The following PHF24 variants were observed in gnomAD, a reference collection of about 807,000 sequenced individuals.
The protein encoded by PHF24 is PHD finger protein 24.
Under a neutral mutation model 42.6 loss-of-function variants are expected in PHF24, and 25 were observed. The ratio of observed to expected loss-of-function variants is 0.59; its 90% CI spans 0.43 to 0.82. The LOEUF is 0.82. Among genes scored for constraint, PHF24 ranks in the 40% least tolerant of loss-of-function variants. The probability of loss-of-function intolerance (pLI) is 0.00; values close to 1 mark genes in which losing one functional copy is unlikely to be tolerated. For synonymous variants in PHF24, 185 were observed against 204.8 expected, an observed-to-expected ratio of 0.90 and a Z score of 0.83; for missense variants, 470 against 538.1, an observed-to-expected ratio of 0.87 and a Z score of 1.25.
the PHF24 span, chr9:34,680,923 A>T: frequency 6.6e-6 from 1 of 152,154 alleles, no homozygotes; most frequent in African/African-American, 2.4e-5. Context: ...TGGTGGTATT[A>T]CTACTACTCA....
chr9:34,928,654 C>T, the PHF24 span, among the ~76,000 whole-genome samples: 8 of 152,300 alleles, frequency 5.3e-5, no homozygotes, highest in African/African-American at 1.9e-4. Context: ...TCCCCTCTCC[C>T]TTCTCCTATG....
chr9:34,778,154 T>A, the PHF24 span, among the ~76,000 whole-genome samples: 1 of 152,210 alleles, frequency 6.6e-6, no homozygotes, highest in South Asian at 2.1e-4. Context: ...TTTTGGTTCT[T>A]CTTAGTGGAT....
At chr9:34,861,264 G>A in the PHF24 span, among the ~76,000 whole-genome samples, 1 of 152,108 alleles carries the variant, frequency 6.6e-6, no homozygotes, top group Non-Finnish European at 1.5e-5. Context: ...AAGTCCAAGT[G>A]GTCAAAATGG....
the PHF24 span, among the ~76,000 whole-genome samples, chr9:34,681,650 A>G: frequency 6.6e-6 from 1 of 152,312 alleles, no homozygotes; most frequent in Non-Finnish European, 1.5e-5. Context: ...GTCTCTACTA[A>G]AAATAGAAAA....
chr9:34,834,007 C>T, the PHF24 span: 46 of 1,549,084 alleles, frequency 3.0e-5, no homozygotes, highest in Middle Eastern at 1.7e-4. Context: ...CTTCCACAGA[C>T]AAGACTCGGA....
At chr9:34,931,751 G>C in the PHF24 span, among the ~76,000 whole-genome samples, 1 of 152,112 alleles carries the variant, frequency 6.6e-6, no homozygotes, top group Non-Finnish European at 1.5e-5. Context: ...GCAGAACTGT[G>C]AGCCAATTAA....
At chr9:34,916,745 T>G in the PHF24 span, among the ~76,000 whole-genome samples, 1 of 152,238 alleles carries the variant, frequency 6.6e-6, no homozygotes, top group Non-Finnish European at 1.5e-5. Flanking sequence ...GTGTGTGGTT[T>G]GTTTGTGTGG....
chr9:34,950,095 A>G, the PHF24 span, among the ~76,000 whole-genome samples: 1 of 152,004 alleles, frequency 6.6e-6, no homozygotes, highest in African/African-American at 2.4e-5. Flanking sequence ...ATATAATTAT[A>G]TTAAAAAAAG....
At chr9:34,823,653 G>A in the PHF24 span, among the ~76,000 whole-genome samples, 3 of 152,216 alleles carry the variant, frequency 2.0e-5, no homozygotes, top group Non-Finnish European at 4.4e-5. Context: ...AGGAAAGGGG[G>A]GAAGCTTTGC....
At chr9:34,787,519 G>T in the PHF24 span, among the ~76,000 whole-genome samples, 1 of 152,152 alleles carries the variant, frequency 6.6e-6, no homozygotes, top group African/African-American at 2.4e-5. Context: ...GGGTTATCTT[G>T]AAAGGACTAA....
At chr9:34,800,485 A>G in the PHF24 span, among the ~76,000 whole-genome samples, 1 of 152,308 alleles carries the variant, frequency 6.6e-6, no homozygotes, top group Non-Finnish European at 1.5e-5. Flanking sequence ...GACCAATGGA[A>G]CAGAACAGAG....
chr9:34,961,255 T>G (rs567936889), intron 1 of PHF24, among the ~76,000 whole-genome samples: 51 of 152,218 alleles, frequency 3.4e-4, no homozygotes, highest in Admixed American at 6.5e-4. Context: ...TGTCCCAAAT[T>G]GATTTATTCA....
chr9:34,909,829 A>G, the PHF24 span, among the ~76,000 whole-genome samples: 2 of 152,100 alleles, frequency 1.3e-5, no homozygotes, highest in Non-Finnish European at 2.9e-5. Flanking sequence ...TCACTGTGTT[A>G]GCTAGGATGG....
the PHF24 span, among the ~76,000 whole-genome samples, chr9:34,858,722 G>A: frequency 6.6e-6 from 1 of 152,168 alleles, no homozygotes; most frequent in Non-Finnish European, 1.5e-5. Flanking sequence ...TTGTATTTCT[G>A]TTTAGCTCTT....
At chr9:34,883,419 G>C in the PHF24 span, among the ~76,000 whole-genome samples, 1 of 152,156 alleles carries the variant, frequency 6.6e-6, no homozygotes, top group Non-Finnish European at 1.5e-5. Context: ...CCATCAGAGT[G>C]AACAGGCAAC....
the PHF24 span, chr9:34,918,004 T>A: frequency 1.5e-6 from 2 of 1,318,066 alleles, no homozygotes; most frequent in Admixed American, 3.4e-5. Context: ...ATCAAGAAAT[T>A]AAGCAAGCGA....
At chr9:34,794,540 G>A in the PHF24 span, among the ~76,000 whole-genome samples, 1 of 152,098 alleles carries the variant, frequency 6.6e-6, no homozygotes, top group African/African-American at 2.4e-5. Context: ...GAGAATTAAG[G>A]CAGCTATTAT....
the PHF24 span, among the ~76,000 whole-genome samples, chr9:34,699,113 T>C: frequency 2.0e-5 from 3 of 152,248 alleles, no homozygotes; most frequent in Admixed American, 2.0e-4. Context: ...CAGCATTCAT[T>C]ATGAAATGAA....
the PHF24 span, among the ~76,000 whole-genome samples, chr9:34,808,638 T>C: frequency 6.6e-6 from 1 of 152,112 alleles, no homozygotes; most frequent in Non-Finnish European, 1.5e-5. Context: ...ACCTGGTCTC[T>C]ACTTCCAAGA....
Sources: gnomAD v4.1 joint callset for allele counts (sites outside exome capture counted in the v4.1 genomes callset) on GRCh38, gnomAD v4.1.1 for gene constraint, MANE v1.5 for transcripts, NCBI Gene and HGNC (gene_info 2026-07-23, HGNC 2026-07-21) for gene names.